The following PCDHGA2 variants were observed in gnomAD, a reference collection of about 807,000 sequenced individuals.
The protein encoded by PCDHGA2 is protocadherin gamma subfamily A, 2.
A neutral mutation model predicts 59.2 loss-of-function variants in PCDHGA2; 40 were observed. The observed-to-expected ratio is 0.68, with a 90% confidence interval of 0.52 to 0.88. The LOEUF (loss-of-function observed/expected upper bound fraction) is 0.88. PCDHGA2 is among the 40% of genes least tolerant of loss of function. PCDHGA2 has a pLI of 0.00. For missense variants in PCDHGA2, 1,226 were observed against 1,204.0 expected, an observed-to-expected ratio of 1.02 and a Z score of -0.27; for synonymous variants, 560 against 526.0, an observed-to-expected ratio of 1.06 and a Z score of -0.89.
Position 141,432,632 on chromosome 5 carries a change from G to T in PCDHGA2, c.2425-62175G>T. ...CTTCTCGGTGGGTCTGCACACGGGCGAGGTGCGCACGGCGCGAGCCCTGCT... is the reference window on the plus strand; with the variant it reads ...CTTCTCGGTGGGTCTGCACACGGGCTAGGTGCGCACGGCGCGAGCCCTGCT... On this transcript the variant is annotated intron_variant, in intron 1 of 3. Transcript: ENST00000394576. This position sits in a 1 kb window ranked among gnomAD's most constrained non-coding sequence, Gnocchi z 6.0. The T allele has an allele frequency of 6.2e-7, 1 of 1,612,834 alleles. No homozygotes were observed. Among genetic ancestry groups the T allele is most frequent in the South Asian group, 1.1e-5 (1 of 90,976 alleles).
At chr5:141,352,258 G>A (rs939972286) in intron 1 of PCDHGA2, 11 of 1,613,980 alleles carry the variant, frequency 6.8e-6, no homozygotes, top group Admixed American at 1.7e-5. Context: ...GCCTGCAAGA[G>A]GTATTGCCAG....
rs547129690 is a variant in PCDHGA2, at chr5:141,385,366, C to A, written c.2424+43971C>A. On this transcript the variant is annotated intron_variant, in intron 1 of 3. Transcript: ENST00000394576. ...TTTATTTCCATGAGGAATTTATTTG[C>A]ATGATATTTCTCTATTATTTTGCAA... The A allele has an allele frequency of 5.9e-6, 9 of 1,535,728 alleles. No individual in the cohort carries two copies. The South Asian group carries it at 9.0e-5, about 15-fold the overall frequency.
chr5:141,357,432 C>T (rs1217622560), intron 1 of PCDHGA2: 3 of 1,614,094 alleles, frequency 1.9e-6, no homozygotes, highest in African/African-American at 1.3e-5. Flanking sequence ...TGGGCGTGGA[C>T]GGGGTTCGGG....
At chr5:141,411,895 A>G (rs945335839) in intron 1 of PCDHGA2, 1 of 152,254 alleles carries the variant, frequency 6.6e-6, no homozygotes, top group Non-Finnish European at 1.5e-5. Context: ...TAAATGAAAT[A>G]CTATTGCCTT....
intron 1 of PCDHGA2, among the ~76,000 whole-genome samples, chr5:141,353,388 A>C (rs944998762): frequency 2.6e-5 from 4 of 152,252 alleles, no homozygotes; most frequent in Non-Finnish European, 5.9e-5. Flanking sequence ...TAATGTAATT[A>C]TGTAATTAAT....
At chr5:141,383,870 G>A in intron 1 of PCDHGA2, 1 of 1,613,960 alleles carries the variant, frequency 6.2e-7, no homozygotes, top group Non-Finnish European at 8.5e-7. Context: ...GCTCAAGATG[G>A]TCCTGGTAGT....
chr5:141,413,014 A>T, intron 1 of PCDHGA2: 1 of 663,842 alleles, frequency 1.5e-6, no homozygotes, highest in Non-Finnish European at 2.4e-6. Context: ...CTTCAACTAC[A>T]CAAGCCCCAC....
Position 141,491,422 on chromosome 5 carries a change from G to A in PCDHGA2, c.2425-3385G>A. 1 of 1,614,112 alleles carries A rather than the reference G, an allele frequency of 6.2e-7. No individual in the cohort carries two copies. Among genetic ancestry groups the A allele is most frequent in the East Asian group, 2.2e-5 (1 of 44,874 alleles). On this transcript the variant is annotated intron_variant, in intron 1 of 3. Coordinates refer to ENST00000394576, the MANE Select transcript of PCDHGA2 (RefSeq NM_018915.4). The surrounding 1 kb of genome is among the most constrained non-coding windows in gnomAD (Gnocchi z 6.9). The stretch of plus-strand genomic sequence containing the variant: ...AAACGCAGACGGGGACGGGGGTGGA[G>A]GGCAGTGCTGCAGGCGCCAGGACTC...
chr5:141,383,111 G>T, intron 1 of PCDHGA2: 1 of 1,614,040 alleles, frequency 6.2e-7, no homozygotes, highest in Non-Finnish European at 8.5e-7. Context: ...TCCAGAGGTA[G>T]GACGCAGCTT....
chr5:141,451,148 G>A (rs536843411), intron 1 of PCDHGA2, among the ~76,000 whole-genome samples: 2 of 152,154 alleles, frequency 1.3e-5, no homozygotes, highest in East Asian at 3.9e-4. Flanking sequence ...ATTTAGACTA[G>A]ACATTTTTTT....
chr5:141,476,738 C>T lies in PCDHGA2; in HGVS notation c.2425-18069C>T. 6.2e-7 allele frequency: 1 copy of T among 1,614,076 alleles called. No individual in the cohort carries two copies. The highest frequency in any genetic ancestry group is 2.2e-5 in the East Asian group (1 of 44,880). On this transcript the variant is annotated intron_variant, in intron 1 of 3. Transcript: ENST00000394576. This position sits in a 1 kb window ranked among gnomAD's most constrained non-coding sequence, Gnocchi z 7.6. Reference sequence around the variant, plus strand: ...GCGCGCCCTGGACCGAGAACGGGAGCCTAGTCTCCAGTTAGTGCTGACGGC... The same window carrying T: ...GCGCGCCCTGGACCGAGAACGGGAGTCTAGTCTCCAGTTAGTGCTGACGGC...
At chr5:141,372,003 C>T (rs552358423) in intron 1 of PCDHGA2, 1 of 1,613,296 alleles carries the variant, frequency 6.2e-7, no homozygotes, top group African/African-American at 1.3e-5. Flanking sequence ...GGCCCGCGAC[C>T]AGGGCTCGCC....
intron 1 of PCDHGA2, chr5:141,344,220 G>A: frequency 6.2e-7 from 1 of 1,614,036 alleles, no homozygotes. Flanking sequence ...GGCGGAGCGC[G>A]GAGTCCGCAT....
chr5:141,408,641 T>C, intron 1 of PCDHGA2: 1 of 1,614,034 alleles, frequency 6.2e-7, no homozygotes, highest in Non-Finnish European at 8.5e-7. Context: ...CGAATCTGCA[T>C]CCGCTGGTAC....
At chr5:141,410,762 T>C in intron 1 of PCDHGA2, 1 of 1,171,656 alleles carries the variant, frequency 8.5e-7, no homozygotes, top group Non-Finnish European at 1.2e-6. Flanking sequence ...GTTTTTTCAA[T>C]TATAGTTTTC....
chr5:141,410,817 ATGTCACCAGACTGAAGATATTTTGTCTT>A, intron 1 of PCDHGA2: 1 of 524,252 alleles, frequency 1.9e-6, no homozygotes, highest in Non-Finnish European at 3.1e-6. Flanking sequence ...TTGTAAAATA[ATGTCACCAGACTGAAGATATTTTGTCTT>A]TGTCTTTTTT....
At chr5:141,355,062 G>T in intron 1 of PCDHGA2, 1 of 1,307,732 alleles carries the variant, frequency 7.6e-7, no homozygotes, top group Non-Finnish European at 1.0e-6. Flanking sequence ...TGGCTCTGGA[G>T]CTTTATGAAA....
intron 1 of PCDHGA2, chr5:141,344,096 G>A: frequency 2.5e-6 from 4 of 1,613,728 alleles, no homozygotes; most frequent in Non-Finnish European, 3.4e-6. Context: ...CGCTCCTGGG[G>A]ACGCTGTGCG....
intron 1 of PCDHGA2, chr5:141,478,104 C>T (rs1440105341): frequency 6.2e-7 from 1 of 1,614,118 alleles, no homozygotes; most frequent in South Asian, 1.1e-5. Flanking sequence ...GCTACCCTCA[C>T]TGTGTCAGTA....
Sources: allele counts gnomAD v4.1 joint callset (sites outside exome capture counted in the v4.1 genomes callset), GRCh38; gene constraint gnomAD v4.1.1; non-coding constraint Gnocchi (gnomAD v3.1); transcripts MANE v1.5; gene names NCBI Gene and HGNC (gene_info 2026-07-23, HGNC 2026-07-21).